Variants in DTNA observed in about 807,000 individuals in gnomAD.
DTNA encodes dystrophin-related protein 3.
A neutral mutation model predicts 100.7 loss-of-function variants in DTNA; 43 were observed. The observed-to-expected ratio is 0.43, with a 90% CI of 0.33 to 0.55. The LOEUF (loss-of-function observed/expected upper bound fraction) is 0.55, where lower values mean the gene tolerates loss of function less well. Ranked by LOEUF, DTNA falls within the 20% of genes least tolerant of loss-of-function variation. DTNA has a pLI of 0.04. For synonymous variants in DTNA, 349 were observed against 347.9 expected, an observed-to-expected ratio of 1.00 and a Z score of -0.04; for missense variants, 798 against 953.9, an observed-to-expected ratio of 0.84 and a Z score of 2.15.
chr18:34,845,157 G>A (rs925497048), intron 13 of DTNA, among the ~76,000 whole-genome samples: 14 of 152,146 alleles, frequency 9.2e-5, no homozygotes, highest in African/African-American at 3.4e-4. Flanking sequence ...TCTTGAAATA[G>A]AGGAATTTAT....
At chr18:34,682,990 CAA>C (rs1475551928) in intron 1 of DTNA, among the ~76,000 whole-genome samples, 2 of 151,998 alleles carry the variant, frequency 1.3e-5, no homozygotes, top group Non-Finnish European at 2.9e-5. Flanking sequence ...AGGTATATCC[CAA>C]GTATTATTTT....
chr18:34,730,111 C>T (rs1467551122), intron 1 of DTNA, among the ~76,000 whole-genome samples: 1 of 152,136 alleles, frequency 6.6e-6, no homozygotes, highest in South Asian at 2.1e-4. Flanking sequence ...ACAGGATGTA[C>T]GAGTTGCTCT....
At chr18:34,786,634 C>G (rs2094518911) in intron 3 of DTNA, among the ~76,000 whole-genome samples, 1 of 152,046 alleles carries the variant, frequency 6.6e-6, no homozygotes, top group South Asian at 2.1e-4. Flanking sequence ...CACACACACA[C>G]AAAACCACAC....
chr18:34,797,424 G>A (rs1428483026), intron 4 of DTNA, among the ~76,000 whole-genome samples: 1 of 152,088 alleles, frequency 6.6e-6, no homozygotes, highest in African/African-American at 2.4e-5. Context: ...TCTTCCTCTT[G>A]TCCCTTTCCT....
intron 4 of DTNA, among the ~76,000 whole-genome samples, chr18:34,801,618 C>G (rs966595506): frequency 2.7e-5 from 4 of 150,816 alleles, no homozygotes; most frequent in African/African-American, 9.8e-5. Flanking sequence ...TCAAGCAATT[C>G]CCCTGCCTCA....
intron 8 of DTNA, among the ~76,000 whole-genome samples, chr18:34,820,574 C>T (rs1354159855): frequency 6.6e-6 from 1 of 152,204 alleles, no homozygotes; most frequent in Non-Finnish European, 1.5e-5. Flanking sequence ...TGCACAATGC[C>T]TGCTTCCATT....
At chr18:34,630,497 T>C (rs932333450) in intron 1 of DTNA, among the ~76,000 whole-genome samples, 4 of 152,040 alleles carry the variant, frequency 2.6e-5, no homozygotes, top group African/African-American at 4.8e-5. Flanking sequence ...TTGGGAATAG[T>C]GATGGAAAGG....
At chr18:34,542,026 G>C (rs2044292862) in intron 1 of DTNA, among the ~76,000 whole-genome samples, 1 of 152,076 alleles carries the variant, frequency 6.6e-6, no homozygotes. Flanking sequence ...GCAGAGAAGA[G>C]TGGTATCATG....
intron 16 of DTNA, among the ~76,000 whole-genome samples, chr18:34,861,038 GT>G (rs2096618005): frequency 6.6e-6 from 1 of 151,974 alleles, no homozygotes; most frequent in African/African-American, 2.4e-5. Flanking sequence ...TTGTATAATT[GT>G]GTGTAATTTA....
chr18:34,774,532 C>T (rs2093947624), intron 3 of DTNA, among the ~76,000 whole-genome samples: 1 of 152,216 alleles, frequency 6.6e-6, no homozygotes, highest in South Asian at 2.1e-4. Flanking sequence ...TATGTATTCA[C>T]TCCATAAATA....
At chr18:34,545,619 C>G (rs552212558) in intron 1 of DTNA, among the ~76,000 whole-genome samples, 1 of 151,982 alleles carries the variant, frequency 6.6e-6, no homozygotes, top group Admixed American at 6.6e-5. Flanking sequence ...TTTCAACCTC[C>G]TTGTTTAAGG....
chr18:34,853,858 T>G (rs2096519187), intron 15 of DTNA, among the ~76,000 whole-genome samples: 1 of 152,182 alleles, frequency 6.6e-6, no homozygotes, highest in Admixed American at 6.5e-5. Context: ...TATCATTTAT[T>G]ATATCTACTA....
intron 7 of DTNA, among the ~76,000 whole-genome samples, chr18:34,817,462 A>G (rs186578670): frequency 6.0e-4 from 92 of 152,188 alleles, no homozygotes; most frequent in African/African-American, 2.0e-3. Flanking sequence ...TGCCTGCTTT[A>G]TAATTCAAAT....
intron 1 of DTNA, among the ~76,000 whole-genome samples, chr18:34,530,734 T>C (rs2043058226): frequency 6.6e-6 from 1 of 152,116 alleles, no homozygotes; most frequent in African/African-American, 2.4e-5. Context: ...GTAGGGAAGA[T>C]TGCTTGAAGT....
intron 3 of DTNA, among the ~76,000 whole-genome samples, chr18:34,789,606 T>A (rs9955019): frequency 0.025 from 3,839 of 152,286 alleles, 169 homozygotes; most frequent in African/African-American, 0.087. Context: ...AGGAACCACA[T>A]CTATATTGTT....
rs62097191 is a variant in DTNA, at chr18:34,617,191, C to G, written c.-2+123677C>G. ...GTGTGGTAAGAGTGGGCATCCGTGT[C>G]TTCTTCTGGTTCTCAAGGGGAATGC... On this transcript the variant is annotated intron_variant, in intron 1 of 19. Coordinates refer to the DTNA transcript ENST00000283365. Among the ~76,000 whole-genome samples, 969 of 150,710 alleles carry G rather than the reference C, an allele frequency of 6.4e-3. 7 individuals carry two copies. The highest frequency in any genetic ancestry group is 0.014 in the Middle Eastern group (4 of 294).
At chr18:34,620,009 A>G (rs2056146803) in intron 1 of DTNA, among the ~76,000 whole-genome samples, 1 of 152,166 alleles carries the variant, frequency 6.6e-6, no homozygotes, top group Non-Finnish European at 1.5e-5. Flanking sequence ...GAATGGTTTT[A>G]CCAAAACCAA....
At chr18:34,553,037 C>T (rs1348943065) in intron 1 of DTNA, among the ~76,000 whole-genome samples, 7 of 151,260 alleles carry the variant, frequency 4.6e-5, no homozygotes, top group South Asian at 4.2e-4. Flanking sequence ...TCCCCAGCAC[C>T]TGTTGTTTCC....
Position 34,889,239 on chromosome 18 carries a change from A to G in DTNA, c.*1505A>G. ...AAAGGAGAGAACATTTTAGAACAATAGTTCTCAAAGTGTGTTCCCCGGACA... is the reference window on the plus strand; with the variant it reads ...AAAGGAGAGAACATTTTAGAACAATGGTTCTCAAAGTGTGTTCCCCGGACA... On this transcript the variant is annotated 3_prime_UTR_variant, in exon 23 of 23. Coordinates refer to ENST00000444659, the MANE Select transcript of DTNA (RefSeq NM_001386795.1). 1 of 985,282 alleles carries G rather than the reference A, an allele frequency of 1.0e-6. No individual in the cohort carries two copies. The highest frequency in any genetic ancestry group is 1.2e-6 in the Non-Finnish European group (1 of 829,810). 61.0% of individuals were successfully genotyped at this position (985,282 alleles called of 1,614,324 possible). A position where few individuals can be genotyped will look rare whatever the true frequency, so the allele number is the denominator to read the frequency against.
Sources: gnomAD v4.1 joint callset for allele counts (sites outside exome capture counted in the v4.1 genomes callset) on GRCh38, gnomAD v4.1.1 for gene constraint, MANE v1.5 for transcripts, NCBI Gene and HGNC (gene_info 2026-07-23, HGNC 2026-07-21) for gene names.